Variants in MCUB observed in about 807,000 individuals in gnomAD.
The protein encoded by MCUB is calcium uniporter regulatory subunit MCUb, mitochondrial.
In MCUB, 46 loss-of-function variants were observed where a neutral mutation model predicts 41.4. That is an observed-to-expected ratio of 1.11 (90% confidence interval 0.88 to 1.42). The LOEUF is 1.42. Among genes scored for constraint, MCUB ranks in the 40% most tolerant of loss-of-function variants. MCUB has a pLI of 0.00. For missense variants in MCUB, 403 were observed against 404.9 expected, an observed-to-expected ratio of 1.00 and a Z score of 0.04; for synonymous variants, 148 against 148.2, an observed-to-expected ratio of 1.00 and a Z score of 0.01.
chr4:109,610,137 A>G (rs1251212553), intron 1 of MCUB, among the ~76,000 whole-genome samples: 1 of 152,088 alleles, frequency 6.6e-6, no homozygotes, highest in Non-Finnish European at 1.5e-5. Context: ...CTCATGGTGA[A>G]TGCTACCAGG....
intron 1 of MCUB, among the ~76,000 whole-genome samples, chr4:109,576,040 G>T (rs1224064045): frequency 6.6e-6 from 1 of 152,166 alleles, no homozygotes; most frequent in East Asian, 1.9e-4. Context: ...TTGAATAGTG[G>T]AGTTGTACTT....
intron 1 of MCUB, among the ~76,000 whole-genome samples, chr4:109,612,606 A>T (rs1333038189): frequency 1.3e-5 from 2 of 152,078 alleles, no homozygotes; most frequent in East Asian, 3.9e-4. Flanking sequence ...TGGGTGCTCC[A>T]TACTCATGAG....
At chr4:109,575,042 G>A (rs946341625) in intron 1 of MCUB, among the ~76,000 whole-genome samples, 3 of 152,170 alleles carry the variant, frequency 2.0e-5, no homozygotes, top group Non-Finnish European at 4.4e-5. Flanking sequence ...TGAGACCCAG[G>A]GCTGCCGCAG....
At chr4:109,592,569 TTATC>T (rs1343755179) in intron 1 of MCUB, among the ~76,000 whole-genome samples, 1 of 152,152 alleles carries the variant, frequency 6.6e-6, no homozygotes, top group Non-Finnish European at 1.5e-5. Flanking sequence ...CTGTAACTGA[TTATC>T]TAACAGGAGG....
chr4:109,638,943 G>C (rs954374003), intron 1 of MCUB, among the ~76,000 whole-genome samples: 6 of 152,096 alleles, frequency 3.9e-5, no homozygotes, highest in African/African-American at 1.4e-4. Context: ...TAGTTCTCTT[G>C]CTATTTTTAC....
intron 4 of MCUB, among the ~76,000 whole-genome samples, chr4:109,668,151 T>G (rs1336349326): frequency 2.6e-5 from 4 of 152,160 alleles, no homozygotes; most frequent in Non-Finnish European, 5.9e-5. Flanking sequence ...TTATCTCAGT[T>G]GATTGGTGGT....
At chr4:109,684,351 C>T (rs918179403) in intron 5 of MCUB, 92 bp from the exon 6 acceptor site, 25 of 1,026,432 alleles carry the variant, frequency 2.4e-5, no homozygotes, top group Non-Finnish European at 3.2e-5. Flanking sequence ...CGTGAGCCAC[C>T]GCGCCCGGCA....
chr4:109,600,216 C>G (rs559220170), intron 1 of MCUB, among the ~76,000 whole-genome samples: 1 of 152,144 alleles, frequency 6.6e-6, no homozygotes, highest in Non-Finnish European at 1.5e-5. Flanking sequence ...TCTGCCACTA[C>G]CTGTACTACC....
intron 1 of MCUB, among the ~76,000 whole-genome samples, chr4:109,582,822 G>A (rs1332262602): frequency 6.6e-6 from 1 of 152,114 alleles, no homozygotes; most frequent in Non-Finnish European, 1.5e-5. Flanking sequence ...TATTAAAAAG[G>A]GAATCCTTTC....
chr4:109,653,057 A>C (rs1291887997), intron 1 of MCUB, among the ~76,000 whole-genome samples: 6 of 152,324 alleles, frequency 3.9e-5, no homozygotes, highest in Non-Finnish European at 7.4e-5. Context: ...TTACTGGGTC[A>C]CATATAAATG....
chr4:109,663,844 A>G (rs1205622716), intron 3 of MCUB, among the ~76,000 whole-genome samples: 3 of 152,018 alleles, frequency 2.0e-5, no homozygotes, highest in Non-Finnish European at 4.4e-5. Flanking sequence ...AGAAGAGGGC[A>G]GGAACTAAGA....
At chr4:109,645,833 G>T (rs1011762496) in intron 1 of MCUB, among the ~76,000 whole-genome samples, 3 of 152,140 alleles carry the variant, frequency 2.0e-5, no homozygotes, top group African/African-American at 7.2e-5. Flanking sequence ...TCAAAGGCCA[G>T]TCCCCCTGCT....
At chr4:109,645,419 C>G (rs569854148) in intron 1 of MCUB, among the ~76,000 whole-genome samples, 5 of 148,096 alleles carry the variant, frequency 3.4e-5, no homozygotes, top group Non-Finnish European at 7.4e-5. Flanking sequence ...CCAACCAATT[C>G]CAGATCTAAA....
At chr4:109,567,659 T>A (rs918723479) in intron 1 of MCUB, among the ~76,000 whole-genome samples, 1 of 151,972 alleles carries the variant, frequency 6.6e-6, no homozygotes, top group Non-Finnish European at 1.5e-5. Context: ...AACAAAGTGT[T>A]TGTTTCCTAG....
chr4:109,598,079 C>T (rs1054735123), intron 1 of MCUB, among the ~76,000 whole-genome samples: 2 of 150,024 alleles, frequency 1.3e-5, no homozygotes, highest in African/African-American at 4.9e-5. Context: ...GATGGGATGG[C>T]GGCCGGACGG....
chr4:109,628,652 T>G (rs1728412021), intron 1 of MCUB, among the ~76,000 whole-genome samples: 1 of 152,130 alleles, frequency 6.6e-6, no homozygotes, highest in Non-Finnish European at 1.5e-5. Flanking sequence ...AAAGCCTGGT[T>G]TTTGGCTTGA....
chr4:109,591,564 G>C (rs1473457743), intron 1 of MCUB, among the ~76,000 whole-genome samples: 1 of 152,112 alleles, frequency 6.6e-6, no homozygotes, highest in East Asian at 1.9e-4. Context: ...AGTAGACTTG[G>C]GGGAGGGGGA....
intron 1 of MCUB, among the ~76,000 whole-genome samples, chr4:109,618,985 TCTCTACCTACCAAC>T (rs1412423840): frequency 6.7e-6 from 1 of 149,056 alleles, no homozygotes; most frequent in Non-Finnish European, 1.5e-5. Flanking sequence ...TCTCTCTCTC[TCTCTACCTACCAAC>T]CTACCTACCT....
chr4:109,678,510 T>C (rs1451493128), intron 4 of MCUB, among the ~76,000 whole-genome samples: 13 of 87,530 alleles, frequency 1.5e-4, no homozygotes, highest in East Asian at 7.5e-4. Context: ...ATTTCCCAGA[T>C]GGGGCGGTGG....
Sources: gnomAD v4.1 joint callset for allele counts (sites outside exome capture counted in the v4.1 genomes callset) on GRCh38, gnomAD v4.1.1 for gene constraint, MANE v1.5 for transcripts, NCBI Gene and HGNC (gene_info 2026-07-23, HGNC 2026-07-21) for gene names.